Variants in LHPP observed in about 807,000 individuals in gnomAD.
LHPP encodes the protein hLHPP.
Under a neutral mutation model 30.3 loss-of-function variants are expected in LHPP, and 24 were observed. The observed-to-expected ratio is 0.79, with a 90% CI of 0.57 to 1.11. LHPP has a LOEUF of 1.11. Ranked by LOEUF, LHPP falls within the 50% of genes most tolerant of loss-of-function variation. The pLI is 0.00. For synonymous variants in LHPP, 150 were observed against 157.1 expected (o/e 0.95, Z 0.34); for missense variants, 356 against 367.2 (o/e 0.97, Z 0.25).
At chr10:124,579,521 G>A (rs1188744747) in intron 6 of LHPP, among the ~76,000 whole-genome samples, 1 of 152,214 alleles carries the variant, frequency 6.6e-6, no homozygotes, top group Non-Finnish European at 1.5e-5. Flanking sequence ...GGACATGTAG[G>A]CGGTTTCCAG....
rs1480714021 is a variant in LHPP at position 124,523,518 on chromosome 10, G to A, written c.716+6247G>A. 2.0e-5 allele frequency among the ~76,000 whole-genome samples: 3 copies of A among 152,238 alleles called. No homozygotes were observed. The highest frequency in any genetic ancestry group is 1.3e-4 in the Admixed American group (2 of 15,292). ...AGTGACGGATTTCAGAGTGTTTCCT[G>A]TTACGAGAAGGCTGTGGATTCGCTT... On this transcript the variant is annotated intron_variant, in intron 6 of 6. Transcript: ENST00000368842. This position sits in a 1 kb window ranked among gnomAD's most constrained non-coding sequence, Gnocchi z 4.2.
At chr10:124,609,635 G>A (rs1949141124) in intron 6 of LHPP, among the ~76,000 whole-genome samples, 1 of 152,230 alleles carries the variant, frequency 6.6e-6, no homozygotes, top group Non-Finnish European at 1.5e-5. Flanking sequence ...CCCAGGTCAA[G>A]ATCTAGAACA....
Position 124,467,049 on chromosome 10 carries a change from A to G in LHPP, c.125+5062A>G, listed in dbSNP as rs60330272. Among the ~76,000 whole-genome samples the G allele has an allele frequency of 9.5e-3, 1,445 of 151,930 alleles. 19 individuals are homozygous for G. The highest frequency in any genetic ancestry group is 0.033 in the African/African-American group (1,366 of 41,456). Reference sequence around the variant, plus strand: ...TGAGGCAGGAGAACTGCCTGAGCCCAGGAGTTTGAGGCTGCCGTGAGCTAT... The same window carrying G: ...TGAGGCAGGAGAACTGCCTGAGCCCGGGAGTTTGAGGCTGCCGTGAGCTAT... On this transcript the variant is annotated intron_variant, in intron 1 of 6. Coordinates refer to ENST00000368842, the MANE Select transcript of LHPP (RefSeq NM_022126.4).
chr10:124,470,089 C>T (rs980192627), intron 1 of LHPP, among the ~76,000 whole-genome samples: 1 of 152,194 alleles, frequency 6.6e-6, no homozygotes, highest in Non-Finnish European at 1.5e-5. Flanking sequence ...CCGTGTCCCC[C>T]CAACAGGCCC....
At chr10:124,549,561 T>G (rs763832938) in intron 6 of LHPP, among the ~76,000 whole-genome samples, 8 of 152,282 alleles carry the variant, frequency 5.3e-5, no homozygotes, top group Non-Finnish European at 1.0e-4. Context: ...CTTTCTTCAC[T>G]TTAGTCTTGT....
At chr10:124,502,182 A>G (rs1414892022) in intron 5 of LHPP, among the ~76,000 whole-genome samples, 2 of 151,946 alleles carry the variant, frequency 1.3e-5, no homozygotes, top group African/African-American at 4.9e-5. Context: ...ACACTGGCAC[A>G]AGGCGGTTAG....
At chr10:124,524,169 GA>G (rs1481492411) in intron 6 of LHPP, among the ~76,000 whole-genome samples, 2 of 151,976 alleles carry the variant, frequency 1.3e-5, no homozygotes, top group Non-Finnish European at 2.9e-5. Context: ...ACCCCAAAAA[GA>G]AGCCTCAAAT....
intron 6 of LHPP, among the ~76,000 whole-genome samples, chr10:124,539,208 AC>A (rs1176522637): frequency 4.6e-5 from 7 of 152,102 alleles, no homozygotes; most frequent in Non-Finnish European, 8.8e-5. Context: ...CAGGGTGTGG[AC>A]CTGGAATGCT....
intron 6 of LHPP, among the ~76,000 whole-genome samples, chr10:124,520,341 T>C (rs1405514659): frequency 1.3e-5 from 2 of 151,610 alleles, no homozygotes; most frequent in African/African-American, 2.4e-5. Flanking sequence ...TGTGTATCCA[T>C]GTGTTCAGAT....
chr10:124,463,717 A>G (rs1431726008), intron 1 of LHPP, among the ~76,000 whole-genome samples: 1 of 151,288 alleles, frequency 6.6e-6, no homozygotes, highest in African/African-American at 2.4e-5. Flanking sequence ...TTATGTTGCC[A>G]GGGTGGTCTT....
At chr10:124,564,351 C>T (rs1948454832) in intron 6 of LHPP, among the ~76,000 whole-genome samples, 1 of 152,126 alleles carries the variant, frequency 6.6e-6, no homozygotes, top group Non-Finnish European at 1.5e-5. Context: ...TCTCAATCTC[C>T]TGATCTCGTG....
At chr10:124,468,228 T>G (rs1037094695) in intron 1 of LHPP, among the ~76,000 whole-genome samples, 4 of 152,202 alleles carry the variant, frequency 2.6e-5, no homozygotes, top group Non-Finnish European at 1.5e-5. Flanking sequence ...GTTGGTGTCT[T>G]CTGACTGATT....
intron 6 of LHPP, among the ~76,000 whole-genome samples, chr10:124,560,242 T>C (rs1265805655): frequency 5.3e-5 from 8 of 152,366 alleles, no homozygotes; most frequent in African/African-American, 9.6e-5. Context: ...TTGGAAATTA[T>C]AAACAATCAA....
intron 6 of LHPP, among the ~76,000 whole-genome samples, chr10:124,521,447 C>T (rs1364212814): frequency 6.6e-6 from 1 of 152,246 alleles, no homozygotes; most frequent in Non-Finnish European, 1.5e-5. Flanking sequence ...CGTCGCAACC[C>T]TGTGCTGAGC....
In LHPP at chr10:124,569,121, G is replaced by C. The variant is rs1389811859; in HGVS notation, c.717-44143G>C. On this transcript the variant is annotated intron_variant, in intron 6 of 6. Coordinates refer to ENST00000368842, the MANE Select transcript of LHPP (RefSeq NM_022126.4). ...GTCCCCCTCCACATGCACACTGCCT[G>C]GGTGGGGCTCATTCCTGCGGGTAAG... 2.0e-5 allele frequency among the ~76,000 whole-genome samples: 3 copies of C among 152,176 alleles called. No individual in the cohort carries two copies. In the East Asian group the frequency reaches 5.8e-4, roughly 29 times the overall value.
chr10:124,605,035 G>A (rs965345555), intron 6 of LHPP, among the ~76,000 whole-genome samples: 3 of 152,240 alleles, frequency 2.0e-5, no homozygotes, highest in Non-Finnish European at 2.9e-5. Flanking sequence ...GCTGGCCTGC[G>A]TGTGCCCTGG....
chr10:124,476,561 A>G (rs1176383941), intron 1 of LHPP, among the ~76,000 whole-genome samples: 1 of 152,172 alleles, frequency 6.6e-6, no homozygotes, highest in Non-Finnish European at 1.5e-5. Flanking sequence ...CCCCACGCCC[A>G]GGGGACAGAT....
rs962652465 is a variant in LHPP, at chr10:124,592,300, CCCAAAGAGGGAAGT to C, written c.717-20961_717-20948del. On this transcript the variant is annotated intron_variant, in intron 6 of 6. Transcript: ENST00000368842. This position sits in a 1 kb window ranked among gnomAD's most constrained non-coding sequence, Gnocchi z 6.2. ...GATGGCTCCTCAACCCTCTCAGCAC[CCCAAAGAGGGAAGT>C]CCCATCACCCTCACTCACCCAGCCC... Among the ~76,000 whole-genome samples, 1 of 152,104 alleles carries C rather than the reference CCCAAAGAGGGAAGT, an allele frequency of 6.6e-6. No individual in the cohort carries two copies. Among genetic ancestry groups the C allele is most frequent in the African/African-American group, 2.4e-5 (1 of 41,422 alleles).
rs189512048 is a variant in LHPP at position 124,541,435 on chromosome 10, T to C, written c.716+24164T>C. Among the ~76,000 whole-genome samples, 20 of 152,282 alleles carry C rather than the reference T, an allele frequency of 1.3e-4. No homozygotes were observed. The highest frequency in any genetic ancestry group is 4.6e-4 in the African/African-American group (19 of 41,562). ...AAATGGCCACATGGGATGCAGTTCCTGAGGTGGCAGAAGAGCCAGCCTCTG... is the reference window on the plus strand; with the variant it reads ...AAATGGCCACATGGGATGCAGTTCCCGAGGTGGCAGAAGAGCCAGCCTCTG... On this transcript the variant is annotated intron_variant, in intron 6 of 6. Coordinates refer to ENST00000368842, the MANE Select transcript of LHPP (RefSeq NM_022126.4). This position sits in a 1 kb window ranked among gnomAD's most constrained non-coding sequence, Gnocchi z 4.2.
Sources: allele counts gnomAD v4.1 joint callset (sites outside exome capture counted in the v4.1 genomes callset), GRCh38; gene constraint gnomAD v4.1.1; non-coding constraint Gnocchi (gnomAD v3.1); transcripts MANE v1.5; gene names NCBI Gene and HGNC (gene_info 2026-07-23, HGNC 2026-07-21).